Variants in PRMT3 observed in about 807,000 individuals in gnomAD.
The protein encoded by PRMT3 is protein arginine methyltransferase 3, also known as protein arginine N-methyltransferase 3.
PRMT3 carries 62 observed loss-of-function variants against 71.9 expected under a neutral mutation model. The ratio of observed to expected loss-of-function variants is 0.86; its 90% CI spans 0.70 to 1.07. PRMT3 has a LOEUF of 1.07. Ranked by LOEUF, PRMT3 falls within the 50% of genes least tolerant of loss-of-function variation. The pLI, the probability that PRMT3 is intolerant of heterozygous loss-of-function variation, is 0.00. For missense variants in PRMT3, 663 were observed against 643.0 expected, an observed-to-expected ratio of 1.03 and a Z score of -0.34; for synonymous variants, 213 against 220.4, an observed-to-expected ratio of 0.97 and a Z score of 0.30.
chr11:20,459,239 T>A (rs1026814327), intron 11 of PRMT3, among the ~76,000 whole-genome samples: 1 of 152,138 alleles, frequency 6.6e-6, no homozygotes, highest in Non-Finnish European at 1.5e-5. Context: ...TCAGCAAGAT[T>A]TTAAAAGATA....
At chr11:20,406,082 G>T (rs966220302) in intron 8 of PRMT3, 1 of 152,142 alleles carries the variant, frequency 6.6e-6, no homozygotes, top group Non-Finnish European at 1.5e-5. Flanking sequence ...TTCAGTATCT[G>T]TGAGGGATTG....
chr11:20,508,278 T>TAACA (rs757358485), intron 15 of PRMT3, 26 bp from the exon 16 acceptor site: 1 of 1,420,842 alleles, frequency 7.0e-7, no homozygotes, highest in African/African-American at 1.4e-5. Context: ...CTTGAATTCT[T>TAACA]AACAATTTTT....
At chr11:20,484,432 A>AC (rs1474377886) in intron 13 of PRMT3, among the ~76,000 whole-genome samples, 7 of 7,358 alleles carry the variant, frequency 9.5e-4, no homozygotes, top group South Asian at 6.8e-3. Context: ...GTCCTCACCC[A>AC]AATCTTGAAT....
intron 10 of PRMT3, among the ~76,000 whole-genome samples, chr11:20,432,642 T>C (rs1032270322): frequency 6.6e-6 from 1 of 152,184 alleles, no homozygotes. Flanking sequence ...CTCTATACTC[T>C]TTTTCATAAT....
At chr11:20,490,238 C>T (rs1851175488) in intron 13 of PRMT3, among the ~76,000 whole-genome samples, 1 of 152,028 alleles carries the variant, frequency 6.6e-6, no homozygotes, top group African/African-American at 2.4e-5. Context: ...AACCAAACCT[C>T]ATTAGAAATG....
rs776980714 is a variant in PRMT3, at chr11:20,395,892, C to G, written c.490C>G (p.His164Asp). ...TACATCTGTTGTTGAAAAATTGAAA[C>G]ATATGGAAGCCAGGGCACTGTCTGC... ...ENTSVVEKLK[H>D]MEARALSAEA... Residue 164 changes from histidine to aspartate, a missense_variant, in exon 6 of 16, where the codon CAT (histidine) becomes GAT (aspartate). His to Asp is a moderately conservative substitution (Grantham distance 81). Coordinates refer to ENST00000331079, the MANE Select transcript of PRMT3 (RefSeq NM_005788.4). 29 of 1,613,956 alleles carry G rather than the reference C, an allele frequency of 1.8e-5. No homozygotes were observed. The South Asian group carries it at 2.1e-4, about 12-fold the overall frequency.
At chr11:20,477,802 A>ACCC (rs147395508) in intron 13 of PRMT3, among the ~76,000 whole-genome samples, 111 of 116,534 alleles carry the variant, frequency 9.5e-4, no homozygotes, top group African/African-American at 7.8e-4. Flanking sequence ...CTTAGGAGAA[A>ACCC]CCCCCCCCCC....
At chr11:20,398,278 A>G (rs1047630680) in intron 7 of PRMT3, among the ~76,000 whole-genome samples, 8 of 152,152 alleles carry the variant, frequency 5.3e-5, no homozygotes, top group Non-Finnish European at 1.0e-4. Flanking sequence ...TCTTTGATAT[A>G]AAGTTTAATT....
chr11:20,504,707 T>TGTGTGAGAGAGAGAGAGAGA (rs1332372470), intron 15 of PRMT3, among the ~76,000 whole-genome samples: 5 of 133,642 alleles, frequency 3.7e-5, no homozygotes, highest in African/African-American at 1.5e-4. Context: ...TGTGTGTGTG[T>TGTGTGAGAGAGAGAGAGAGA]GAGAGAGAGA....
intron 9 of PRMT3, among the ~76,000 whole-genome samples, chr11:20,409,562 C>T (rs1849148257): frequency 6.6e-6 from 1 of 151,172 alleles, no homozygotes; most frequent in African/African-American, 2.4e-5. Context: ...TAACAAATAC[C>T]AAATCAGTGT....
intron 10 of PRMT3, among the ~76,000 whole-genome samples, chr11:20,448,200 T>C (rs1252993951): frequency 1.3e-5 from 2 of 152,068 alleles, no homozygotes; most frequent in Non-Finnish European, 2.9e-5. Context: ...CTAAAACCTA[T>C]GAATTTGTTT....
At chr11:20,507,074 T>C (rs1289858080) in intron 15 of PRMT3, among the ~76,000 whole-genome samples, 1 of 152,180 alleles carries the variant, frequency 6.6e-6, no homozygotes, top group Non-Finnish European at 1.5e-5. Context: ...TTCCTCAAAA[T>C]GCCATTCCTG....
At chr11:20,393,960 T>G (rs985781079) in intron 5 of PRMT3, 1 of 152,230 alleles carries the variant, frequency 6.6e-6, no homozygotes, top group African/African-American at 2.4e-5. Flanking sequence ...ATGATGCAGT[T>G]TTTAAACCTC....
chr11:20,424,455 A>G (rs1849498141), intron 9 of PRMT3, among the ~76,000 whole-genome samples: 1 of 152,228 alleles, frequency 6.6e-6, no homozygotes, highest in East Asian at 1.9e-4. Flanking sequence ...TCCCAACAAC[A>G]TTGAAACTGT....
At chr11:20,445,521 T>C (rs529703949) in intron 10 of PRMT3, among the ~76,000 whole-genome samples, 1 of 152,252 alleles carries the variant, frequency 6.6e-6, no homozygotes, top group South Asian at 2.1e-4. Context: ...TATAAATCTT[T>C]GTATAACCTT....
At position 20,509,183 on chromosome 11, in the gene PRMT3, G is replaced by A. The variant is rs566901118; in HGVS notation, c.*770G>A. The A allele has an allele frequency of 8.5e-5, 13 of 152,246 alleles. No homozygotes were observed. The East Asian group carries it at 2.5e-3, about 29-fold the overall frequency. 9.4% of individuals were successfully genotyped at this position (152,246 alleles called of 1,614,324 possible). A position where few individuals can be genotyped will look rare whatever the true frequency, so the allele number is the denominator to read the frequency against. On this transcript the variant is annotated 3_prime_UTR_variant, in exon 16 of 16. Coordinates refer to ENST00000331079, the MANE Select transcript of PRMT3 (RefSeq NM_005788.4). ...AGATTTATGTGCAAAGGTTAAACAT[G>A]TAACTGTTACTAAGCAGTCTATAAA...
At chr11:20,492,498 G>A (rs1851231103) in intron 13 of PRMT3, among the ~76,000 whole-genome samples, 1 of 152,030 alleles carries the variant, frequency 6.6e-6, no homozygotes, top group Non-Finnish European at 1.5e-5. Context: ...TATTGAGTTT[G>A]GTTTGGACCT....
chr11:20,413,349 G>A (rs112588997), intron 9 of PRMT3, among the ~76,000 whole-genome samples: 2 of 152,238 alleles, frequency 1.3e-5, no homozygotes, highest in African/African-American at 4.8e-5. Flanking sequence ...ACCAGTTGAG[G>A]AGGCCGCATA....
intron 9 of PRMT3, among the ~76,000 whole-genome samples, chr11:20,424,052 C>T (rs1214017735): frequency 4.6e-5 from 7 of 151,322 alleles, no homozygotes; most frequent in Non-Finnish European, 7.4e-5. Flanking sequence ...GGTGTGGTGG[C>T]GGGCGCCTGT....
Sources: allele counts gnomAD v4.1 joint callset (sites outside exome capture counted in the v4.1 genomes callset), GRCh38; gene constraint gnomAD v4.1.1; transcripts MANE v1.5; gene names NCBI Gene and HGNC (gene_info 2026-07-23, HGNC 2026-07-21).